MACROD2: variants seen among roughly 807,000 people sequenced by gnomAD.
MACROD2 encodes ADP-ribose glycohydrolase MACROD2.
MACROD2 carries 36 observed loss-of-function variants against 70.4 expected under a neutral mutation model. The ratio of observed to expected loss-of-function variants is 0.51; its 90% CI spans 0.39 to 0.68. The LOEUF (loss-of-function observed/expected upper bound fraction) is 0.68, where lower values mean the gene tolerates loss of function less well. MACROD2 is among the 30% of genes least tolerant of loss of function. The pLI is 0.00. For missense variants in MACROD2, 496 were observed against 538.4 expected (o/e 0.92, Z 0.78); for synonymous variants, 172 against 178.8 (o/e 0.96, Z 0.30).
chr20:15,555,427 C>G (rs2146595499), intron 8 of MACROD2, among the ~76,000 whole-genome samples: 1 of 152,172 alleles, frequency 6.6e-6, no homozygotes, highest in East Asian at 1.9e-4. Context: ...ACTTTTAAAG[C>G]CATACTTCTG....
chr20:14,185,308 C>T (rs918228690), intron 3 of MACROD2, among the ~76,000 whole-genome samples: 2 of 152,138 alleles, frequency 1.3e-5, no homozygotes, highest in Non-Finnish European at 2.9e-5. Flanking sequence ...GACGCACTCT[C>T]AGATATTAAA....
At chr20:14,236,642 T>G (rs2081874774) in intron 3 of MACROD2, among the ~76,000 whole-genome samples, 1 of 152,188 alleles carries the variant, frequency 6.6e-6, no homozygotes, top group Non-Finnish European at 1.5e-5. Flanking sequence ...AAAGATAAGG[T>G]TGAAGTCCAC....
chr20:14,229,718 A>ACAACT (rs889294988), intron 3 of MACROD2, among the ~76,000 whole-genome samples: 16 of 152,336 alleles, frequency 1.1e-4, no homozygotes, highest in African/African-American at 3.8e-4. Flanking sequence ...ATTTACCCTG[A>ACAACT]GTTGAAGACT....
At chr20:15,367,034 T>TC (rs977332586) in intron 6 of MACROD2, among the ~76,000 whole-genome samples, 5 of 151,384 alleles carry the variant, frequency 3.3e-5, no homozygotes, top group African/African-American at 9.7e-5. Flanking sequence ...TTACTGATTT[T>TC]TTTTTTTTTT....
chr20:14,998,140 G>A lies in MACROD2; in HGVS notation c.419-231800G>A, dbSNP rs144832962. Reference sequence around the variant, plus strand: ...CTTGGAAAGCCTTCTCAGAAAGGTCGGGTACAAATAAGCCCAAACTGCAGA... The same window carrying A: ...CTTGGAAAGCCTTCTCAGAAAGGTCAGGTACAAATAAGCCCAAACTGCAGA... On this transcript the variant is annotated intron_variant, in intron 5 of 17. Coordinates refer to ENST00000684519, the MANE Select transcript of MACROD2 (RefSeq NM_001351661.2). Among the ~76,000 whole-genome samples the A allele has an allele frequency of 5.1e-3, 780 of 152,234 alleles. 12 individuals carry two copies. Among genetic ancestry groups the A allele is most frequent in the African/African-American group, 0.018 (734 of 41,530 alleles).
Position 15,242,805 on chromosome 20 carries a change from C to T in MACROD2, c.540+12744C>T, listed in dbSNP as rs1021602004. Among the ~76,000 whole-genome samples, 4 of 152,226 alleles carry T rather than the reference C, an allele frequency of 2.6e-5. No homozygotes were observed. In the South Asian group the frequency reaches 6.2e-4, roughly 24 times the overall value. ...TACAGGTTTTATTATTTCACAGCTA[C>T]TTTGCCAAGTTTTCAGGTTGTCTTT... On this transcript the variant is annotated intron_variant, in intron 6 of 17. Transcript: ENST00000684519.
intron 12 of MACROD2, among the ~76,000 whole-genome samples, chr20:15,965,001 C>T (rs1405567206): frequency 1.3e-5 from 2 of 152,144 alleles, no homozygotes; most frequent in African/African-American, 4.8e-5. Flanking sequence ...CACATAAAGA[C>T]ATGTATATTT....
intron 7 of MACROD2, among the ~76,000 whole-genome samples, chr20:15,473,319 A>G (rs2046983437): frequency 6.6e-6 from 1 of 152,216 alleles, no homozygotes; most frequent in Non-Finnish European, 1.5e-5. Flanking sequence ...AAGAGTATGT[A>G]CAGACTAGGG....
At chr20:14,561,553 A>G (rs1361285809) in intron 4 of MACROD2, among the ~76,000 whole-genome samples, 1 of 151,826 alleles carries the variant, frequency 6.6e-6, no homozygotes, top group Non-Finnish European at 1.5e-5. Flanking sequence ...ACAGGATTCT[A>G]CAGGGGTTTT....
chr20:14,138,736 T>A (rs940749101), intron 3 of MACROD2, among the ~76,000 whole-genome samples: 3 of 151,086 alleles, frequency 2.0e-5, no homozygotes, highest in Non-Finnish European at 4.4e-5. Flanking sequence ...TACTTGAAAT[T>A]TGCTAAGAGA....
chr20:14,050,746 A>G (rs6074678), intron 2 of MACROD2, among the ~76,000 whole-genome samples: 86,377 of 152,034 alleles, frequency 0.57, 25,221 homozygotes, highest in Non-Finnish European at 0.63. Context: ...TGAAAGAAGC[A>G]ATAGGTGAAG....
intron 5 of MACROD2, among the ~76,000 whole-genome samples, chr20:14,825,326 C>T (rs527516149): frequency 2.0e-4 from 31 of 152,188 alleles, no homozygotes; most frequent in Non-Finnish European, 3.4e-4. Context: ...TGCTCTGCCC[C>T]ATTGCAAGCT....
chr20:15,152,495 A>AAGGGATCGGGGCACAGAGATAAGAGGTGG (rs1351354651), intron 5 of MACROD2, among the ~76,000 whole-genome samples: 2 of 144,494 alleles, frequency 1.4e-5, no homozygotes, highest in African/African-American at 2.6e-5. Context: ...ATAAGAGGTT[A>AAGGGATCGGGGCACAGAGATAAGAGGTGG]GGGCATGGAA....
chr20:14,874,408 GAA>G (rs777351273), intron 5 of MACROD2, among the ~76,000 whole-genome samples: 7 of 99,762 alleles, frequency 7.0e-5, no homozygotes, highest in Admixed American at 1.1e-4. Flanking sequence ...GGTCTGGTAA[GAA>G]AAAAAAAAAA....
Position 15,741,966 on chromosome 20 carries a change from T to A in MACROD2, c.646-120779T>A, listed in dbSNP as rs185653482. 3.7e-3 allele frequency among the ~76,000 whole-genome samples: 564 copies of A among 152,328 alleles called. 3 individuals carry two copies. Among genetic ancestry groups the A allele is most frequent in the Non-Finnish European group, 5.5e-3 (377 of 68,030 alleles). On this transcript the variant is annotated intron_variant, in intron 8 of 17. Transcript: ENST00000684519. ...TGATTGATTTTGCCTTGAGCCCTCA[T>A]ACTTCTTACATTGCTTGGCAAGTAG...
intron 7 of MACROD2, among the ~76,000 whole-genome samples, chr20:15,468,791 C>T (rs558280901): frequency 6.6e-6 from 1 of 152,338 alleles, no homozygotes; most frequent in South Asian, 2.1e-4. Context: ...TGTCAGCAAT[C>T]TCAATCTCCA....
chr20:15,983,097 G>A (rs1199310019), intron 13 of MACROD2, among the ~76,000 whole-genome samples: 7 of 152,306 alleles, frequency 4.6e-5, no homozygotes, highest in South Asian at 2.1e-4. Context: ...TGAAAAGCTC[G>A]TTGCTGTTGG....
At chr20:15,328,029 A>G (rs1192053076) in intron 6 of MACROD2, among the ~76,000 whole-genome samples, 1 of 152,112 alleles carries the variant, frequency 6.6e-6, no homozygotes, top group Non-Finnish European at 1.5e-5. Flanking sequence ...AGTAGAATAT[A>G]TATTTTTATA....
At chr20:14,646,074 A>T (rs1044339647) in intron 4 of MACROD2, among the ~76,000 whole-genome samples, 5 of 149,848 alleles carry the variant, frequency 3.3e-5, no homozygotes, top group African/African-American at 9.7e-5. Flanking sequence ...TTAAATAAAT[A>T]AGTTATAAGA....
Sources: allele counts gnomAD v4.1 joint callset (sites outside exome capture counted in the v4.1 genomes callset), GRCh38; gene constraint gnomAD v4.1.1; transcripts MANE v1.5; gene names NCBI Gene and HGNC (gene_info 2026-07-23, HGNC 2026-07-21).